DPP6: variants seen among roughly 807,000 people sequenced by gnomAD.
The protein encoded by DPP6 is A-type potassium channel modulatory protein DPP6.
A neutral mutation model predicts 122.6 loss-of-function variants in DPP6; 69 were observed. The ratio of observed to expected loss-of-function variants is 0.56; its 90% CI spans 0.46 to 0.69. The LOEUF (loss-of-function observed/expected upper bound fraction) is 0.69, where lower values mean the gene tolerates loss of function less well. Among genes scored for constraint, DPP6 ranks in the 30% least tolerant of loss-of-function variants. The pLI is 0.00. For synonymous variants in DPP6, 418 were observed against 433.1 expected (o/e 0.97, Z 0.43); for missense variants, 928 against 1,116.9 (o/e 0.83, Z 2.41).
intron 3 of DPP6, among the ~76,000 whole-genome samples, chr7:154,482,453 GTATT>G (rs1472955841): frequency 6.6e-6 from 1 of 152,116 alleles, no homozygotes; most frequent in Non-Finnish European, 1.5e-5. Context: ...TTATATGTAT[GTATT>G]TATTACAGTA....
the DPP6 span, among the ~76,000 whole-genome samples, chr7:153,790,199 T>A: frequency 1.3e-5 from 2 of 151,968 alleles, no homozygotes; most frequent in African/African-American, 4.8e-5. Context: ...TCTACAACTT[T>A]AAAAGATCTT....
intron 7 of DPP6, among the ~76,000 whole-genome samples, chr7:154,684,461 T>C (rs1839478279): frequency 6.6e-6 from 1 of 152,254 alleles, no homozygotes; most frequent in Non-Finnish European, 1.5e-5. Flanking sequence ...AATTAAGGCA[T>C]ATTATTTACC....
At chr7:154,758,373 A>ATTTTTTTT (rs10632379) in intron 8 of DPP6, among the ~76,000 whole-genome samples, 1 of 143,664 alleles carries the variant, frequency 7.0e-6, no homozygotes, top group African/African-American at 2.6e-5. Context: ...GGAAATACAG[A>ATTTTTTTT]TTTTTTTTTT....
chr7:154,574,274 G>A, intron 5 of DPP6, among the ~76,000 whole-genome samples: 1 of 143,760 alleles, frequency 7.0e-6, no homozygotes, highest in South Asian at 2.3e-4. Context: ...TGTGTGTGGG[G>A]TCTGTGTGTG....
Position 154,374,985 on chromosome 7 carries a change from G to A in DPP6, c.244-71229G>A, listed in dbSNP as rs139662502. ...ATTATGTGACAGACACTTTGAAGGCGCTGTATTGAAGCATAGGAACTTGGT... is the reference window on the plus strand; with the variant it reads ...ATTATGTGACAGACACTTTGAAGGCACTGTATTGAAGCATAGGAACTTGGT... On this transcript the variant is annotated intron_variant, in intron 1 of 25. Coordinates refer to ENST00000377770, the MANE Select transcript of DPP6 (RefSeq NM_130797.4). 3.8e-3 allele frequency among the ~76,000 whole-genome samples: 575 copies of A among 152,228 alleles called. 2 individuals are homozygous for A. The highest frequency in any genetic ancestry group is 5.0e-3 in the Non-Finnish European group (338 of 68,024).
At chr7:154,586,056 G>A (rs1008104709) in intron 5 of DPP6, among the ~76,000 whole-genome samples, 1 of 152,056 alleles carries the variant, frequency 6.6e-6, no homozygotes, top group Non-Finnish European at 1.5e-5. Flanking sequence ...GGTCCACCTG[G>A]AGCACAGTAT....
chr7:154,210,848 CAAAAG>C (rs1023685642), intron 1 of DPP6, among the ~76,000 whole-genome samples: 23 of 146,198 alleles, frequency 1.6e-4, no homozygotes, highest in African/African-American at 5.4e-4. Flanking sequence ...AAAAAAAAGA[CAAAAG>C]AAAAAGGCAG....
intron 1 of DPP6, among the ~76,000 whole-genome samples, chr7:153,935,715 A>T (rs1801404115): frequency 6.6e-6 from 1 of 152,314 alleles, no homozygotes; most frequent in Admixed American, 6.5e-5. Flanking sequence ...CCCTGGGCTC[A>T]CAGCCTGGCT....
chr7:154,577,752 G>C (rs1831777846), intron 5 of DPP6, among the ~76,000 whole-genome samples: 1 of 152,204 alleles, frequency 6.6e-6, no homozygotes, highest in South Asian at 2.1e-4. Context: ...AATGACTCAA[G>C]TACTTCTGGA....
At chr7:154,273,872 A>G (rs1242282458) in intron 1 of DPP6, among the ~76,000 whole-genome samples, 3 of 152,250 alleles carry the variant, frequency 2.0e-5, no homozygotes, top group Non-Finnish European at 1.5e-5. Flanking sequence ...GCGTCTCACT[A>G]TAAATGCTAT....
intron 1 of DPP6, among the ~76,000 whole-genome samples, chr7:154,445,128 G>C (rs1819747076): frequency 6.6e-6 from 1 of 152,110 alleles, no homozygotes; most frequent in Non-Finnish European, 1.5e-5. Flanking sequence ...TTTAATCTTT[G>C]ATGAAAATAT....
intron 1 of DPP6, among the ~76,000 whole-genome samples, chr7:154,369,095 C>T (rs1463045513): frequency 6.6e-6 from 1 of 152,068 alleles, no homozygotes; most frequent in Non-Finnish European, 1.5e-5. Context: ...TTTGTTCATT[C>T]GTTCGTTCGT....
At chr7:154,534,731 G>A (rs1362354175) in intron 3 of DPP6, among the ~76,000 whole-genome samples, 2 of 152,042 alleles carry the variant, frequency 1.3e-5, no homozygotes, top group Non-Finnish European at 2.9e-5. Flanking sequence ...TAAACAATTA[G>A]AGATATGTAC....
intron 1 of DPP6, among the ~76,000 whole-genome samples, chr7:154,196,799 G>A (rs1289407944): frequency 5.9e-5 from 9 of 152,104 alleles, no homozygotes; most frequent in Non-Finnish European, 1.3e-4. Flanking sequence ...TCCCCAGGCT[G>A]GCTTTATACA....
the DPP6 span, among the ~76,000 whole-genome samples, chr7:153,806,001 T>TA: frequency 3.1e-4 from 47 of 151,036 alleles, 1 homozygote; most frequent in Admixed American, 8.6e-4. Flanking sequence ...TAAAGTATAA[T>TA]AAAAAAAAAT....
In DPP6 at chr7:154,892,723, C is replaced by A; in HGVS notation, c.*243C>A. ...TCCCCGCAGCAGCGCCTCCTCCCGG[C>A]GCCCGAGAGACCGGCACGCCACGGC... On this transcript the variant is annotated 3_prime_UTR_variant, in exon 26 of 26. Transcript: ENST00000377770. The A allele has an allele frequency of 1.2e-6, 1 of 827,072 alleles. No individual in the cohort carries two copies. Among genetic ancestry groups the A allele is most frequent in the Non-Finnish European group, 2.0e-6 (1 of 495,874 alleles). The allele number at this position is 827,072 out of a possible 1,614,324, so 51.2% of individuals were successfully genotyped here. A position where few individuals can be genotyped will look rare whatever the true frequency, so the allele number is the denominator to read the frequency against.
At chr7:154,586,737 CTGTTTCCT>C (rs1312119218) in intron 5 of DPP6, among the ~76,000 whole-genome samples, 1 of 152,202 alleles carries the variant, frequency 6.6e-6, no homozygotes, top group Non-Finnish European at 1.5e-5. Context: ...TTTGCTCGTG[CTGTTTCCT>C]CCACCTGGAT....
At chr7:154,777,450 C>A (rs1224585094) in intron 10 of DPP6, among the ~76,000 whole-genome samples, 1 of 152,118 alleles carries the variant, frequency 6.6e-6, no homozygotes, top group East Asian at 1.9e-4. Context: ...TTAAGCTGAA[C>A]CTGACCAGGA....
At chr7:154,220,437 G>T (rs1053155897) in intron 1 of DPP6, among the ~76,000 whole-genome samples, 3 of 152,206 alleles carry the variant, frequency 2.0e-5, no homozygotes, top group Non-Finnish European at 4.4e-5. Context: ...GGTGGGAGGA[G>T]AGAGAGGAGC....
Sources: gnomAD v4.1 joint callset for allele counts (sites outside exome capture counted in the v4.1 genomes callset) on GRCh38, gnomAD v4.1.1 for gene constraint, MANE v1.5 for transcripts, NCBI Gene and HGNC (gene_info 2026-07-23, HGNC 2026-07-21) for gene names.